Variants in TMEM232 observed in about 807,000 individuals in gnomAD.
TMEM232 encodes transmembrane protein 232.
In TMEM232, 80 loss-of-function variants were observed where a neutral mutation model predicts 78.8. The ratio of observed to expected loss-of-function variants is 1.01; its 90% CI spans 0.85 to 1.22. TMEM232 has a LOEUF of 1.22. Ranked by LOEUF, TMEM232 falls within the 50% of genes most tolerant of loss-of-function variation. The pLI is 0.00. For synonymous variants in TMEM232, 297 were observed against 254.3 expected (o/e 1.17, Z -1.60); for missense variants, 881 against 742.2 (o/e 1.19, Z -2.17).
At chr5:110,453,872 C>G (rs960708772) in intron 12 of TMEM232, among the ~76,000 whole-genome samples, 2 of 149,252 alleles carry the variant, frequency 1.3e-5, no homozygotes, top group East Asian at 1.9e-4. Flanking sequence ...GCACCACAGG[C>G]AGTGTGATAT....
intron 2 of TMEM232, among the ~76,000 whole-genome samples, chr5:110,403,289 A>G (rs185500522): frequency 3.6e-4 from 55 of 152,196 alleles, no homozygotes; most frequent in African/African-American, 1.3e-3. Context: ...AAGTGTTAAA[A>G]TATATTTGAG....
At chr5:110,465,292 A>G (rs891875190) in intron 12 of TMEM232, among the ~76,000 whole-genome samples, 4 of 152,194 alleles carry the variant, frequency 2.6e-5, no homozygotes, top group African/African-American at 4.8e-5. Context: ...GTCACTGGGA[A>G]GTTTACCTGA....
intron 7 of TMEM232, among the ~76,000 whole-genome samples, chr5:110,619,945 A>T (rs1019353994): frequency 2.6e-5 from 4 of 151,474 alleles, no homozygotes; most frequent in Admixed American, 2.0e-4. Context: ...AAACAAGAAT[A>T]AAAAAAAACT....
intron 1 of TMEM232, among the ~76,000 whole-genome samples, chr5:110,677,427 G>A (rs1400275968): frequency 6.6e-6 from 1 of 152,094 alleles, no homozygotes; most frequent in African/African-American, 2.4e-5. Context: ...GATAGTAAAT[G>A]AAAGTTATTT....
intron 1 of TMEM232, among the ~76,000 whole-genome samples, chr5:110,694,914 A>T (rs1435911140): frequency 1.3e-5 from 2 of 152,178 alleles, no homozygotes; most frequent in African/African-American, 4.8e-5. Context: ...GTTCACAAGG[A>T]TATCCTGGAA....
intron 1 of TMEM232, chr5:110,684,773 T>C (rs1793183200): frequency 6.6e-6 from 1 of 152,088 alleles, no homozygotes; most frequent in African/African-American, 2.4e-5. Context: ...ACAAGAACAA[T>C]TTATCTCTCT....
intron 2 of TMEM232, among the ~76,000 whole-genome samples, chr5:110,665,507 C>T (rs1270496979): frequency 1.3e-5 from 2 of 152,008 alleles, no homozygotes; most frequent in Non-Finnish European, 2.9e-5. Flanking sequence ...GGAAGCAAGG[C>T]ACCTCTTAAC....
At chr5:110,717,030 G>C (rs1362173344) in intron 1 of TMEM232, among the ~76,000 whole-genome samples, 2 of 152,120 alleles carry the variant, frequency 1.3e-5, no homozygotes, top group East Asian at 3.9e-4. Flanking sequence ...TTCTAGACTA[G>C]TTGAAAGACC....
At chr5:110,511,857 C>T (rs1327524269) in intron 12 of TMEM232, among the ~76,000 whole-genome samples, 1 of 152,108 alleles carries the variant, frequency 6.6e-6, no homozygotes, top group Non-Finnish European at 1.5e-5. Context: ...ATGGAAAATC[C>T]TAGTCACCTC....
At chr5:110,670,354 C>T (rs1338559249) in intron 1 of TMEM232, among the ~76,000 whole-genome samples, 1 of 151,994 alleles carries the variant, frequency 6.6e-6, no homozygotes, top group African/African-American at 2.4e-5. Context: ...AAACAGAGAG[C>T]CAAATCATGA....
chr5:110,654,838 T>C lies in TMEM232; in HGVS notation c.125+12390A>G, dbSNP rs540367940. On this transcript the variant is annotated intron_variant, in intron 2 of 13. Coordinates refer to ENST00000455884, the MANE Select transcript of TMEM232 (RefSeq NM_001039763.4). ...TTTCATTTCATTGAGCAGCGGTTTG[T>C]AGTTCTCCTTGAAGAGGCCCTTCAC... is the stretch of plus-strand genomic sequence containing the variant. 5.9e-5 allele frequency among the ~76,000 whole-genome samples: 9 copies of C among 152,304 alleles called. No homozygotes were observed. In the South Asian group the frequency reaches 1.9e-3, roughly 32 times the overall value.
At chr5:110,648,638 G>A (rs541088577) in intron 2 of TMEM232, among the ~76,000 whole-genome samples, 1 of 152,008 alleles carries the variant, frequency 6.6e-6, no homozygotes, top group East Asian at 1.9e-4. Flanking sequence ...AGCAAAAGTG[G>A]ATGTCAGCTG....
At chr5:110,394,113 G>A (rs1755302155) in intron 3 of TMEM232, among the ~76,000 whole-genome samples, 1 of 151,686 alleles carries the variant, frequency 6.6e-6, no homozygotes, top group Non-Finnish European at 1.5e-5. Context: ...AACCTTCCCA[G>A]CCTTTGGTAA....
At chr5:110,469,543 C>T (rs1051992837) in intron 12 of TMEM232, among the ~76,000 whole-genome samples, 2 of 152,204 alleles carry the variant, frequency 1.3e-5, no homozygotes, top group African/African-American at 2.4e-5. Context: ...CACTCTGAAC[C>T]ATGGAACCTG....
chr5:110,443,222 G>A (rs959672708), intron 12 of TMEM232, among the ~76,000 whole-genome samples: 10 of 152,180 alleles, frequency 6.6e-5, no homozygotes, highest in Non-Finnish European at 1.3e-4. Flanking sequence ...CTGGAAGCCA[G>A]GGATTGCAGC....
intron 5 of TMEM232, chr5:110,387,746 G>T (rs1381318513): frequency 1.3e-5 from 2 of 152,108 alleles, no homozygotes; most frequent in African/African-American, 4.8e-5. Flanking sequence ...AAATTGTACA[G>T]CATACTGTGG....
chr5:110,594,947 T>C (rs897714942), intron 10 of TMEM232, among the ~76,000 whole-genome samples: 4 of 152,164 alleles, frequency 2.6e-5, no homozygotes, highest in South Asian at 2.1e-4. Context: ...CCCCCTCAAA[T>C]GGGTCGGTGA....
At chr5:110,536,693 C>A (rs1473723767) in intron 11 of TMEM232, among the ~76,000 whole-genome samples, 1 of 152,000 alleles carries the variant, frequency 6.6e-6, no homozygotes, top group African/African-American at 2.4e-5. Flanking sequence ...CCTAGCTATG[C>A]AAAGAATGTT....
At chr5:110,656,720 C>T (rs771446782) in intron 2 of TMEM232, among the ~76,000 whole-genome samples, 2 of 151,918 alleles carry the variant, frequency 1.3e-5, no homozygotes, top group Admixed American at 1.3e-4. Context: ...CACCGGTAGT[C>T]CCAGCTACTC....
Sources: gnomAD v4.1 joint callset for allele counts (sites outside exome capture counted in the v4.1 genomes callset) on GRCh38, gnomAD v4.1.1 for gene constraint, MANE v1.5 for transcripts, NCBI Gene and HGNC (gene_info 2026-07-23, HGNC 2026-07-21) for gene names.